CCDC85C: variants seen among roughly 807,000 people sequenced by gnomAD.
CCDC85C encodes coiled-coil domain-containing protein 85C.
In CCDC85C, 18 loss-of-function variants were observed where a neutral mutation model predicts 38.3. That is an observed-to-expected ratio of 0.47 (90% CI 0.33 to 0.70). CCDC85C has a LOEUF of 0.70. Ranked by LOEUF, CCDC85C falls within the 30% of genes least tolerant of loss-of-function variation. The pLI, the probability that CCDC85C is intolerant of heterozygous loss-of-function variation, is 0.03. For synonymous variants in CCDC85C, 264 were observed against 293.8 expected (o/e 0.90, Z 1.04); for missense variants, 566 against 621.2 (o/e 0.91, Z 0.94).
intron 1 of CCDC85C, among the ~76,000 whole-genome samples, chr14:99,589,485 T>C (rs2055063017): frequency 6.6e-6 from 1 of 152,226 alleles, no homozygotes; most frequent in Admixed American, 6.5e-5. Flanking sequence ...GATCTATTTT[T>C]ATTTTTTAAA....
chr14:99,603,015 G>A lies in CCDC85C; in HGVS notation c.793+152C>T, dbSNP rs1239617705. Among the ~76,000 whole-genome samples the A allele has an allele frequency of 2.0e-5, 3 of 152,190 alleles. No homozygotes were observed. The highest frequency in any genetic ancestry group is 7.2e-5 in the African/African-American group (3 of 41,456). ...CCAAAGCCCCACTTTGGGTGAGTGCGGGATCCCCTGGCCCAGGATCCATGA... is the reference window on the plus strand; with the variant it reads ...CCAAAGCCCCACTTTGGGTGAGTGCAGGATCCCCTGGCCCAGGATCCATGA... On this transcript the variant is annotated intron_variant, in intron 1 of 5. Transcript: ENST00000380243. The surrounding 1 kb of genome is among the most constrained non-coding windows in gnomAD (Gnocchi z 7.5).
intron 2 of CCDC85C, among the ~76,000 whole-genome samples, chr14:99,525,648 T>A (rs12896215): frequency 0.97 from 147,053 of 152,346 alleles, 71,171 homozygotes; most frequent in East Asian, 1. Context: ...TCAGGGAGGC[T>A]GCAACTAAAG....
In CCDC85C at chr14:99,548,820, A is replaced by G. The variant is rs988218745; in HGVS notation, c.794-12732T>C. On this transcript the variant is annotated intron_variant, in intron 1 of 5. Coordinates refer to ENST00000380243, the MANE Select transcript of CCDC85C (RefSeq NM_001144995.2). The surrounding 1 kb of genome is among the most constrained non-coding windows in gnomAD (Gnocchi z 4.9). The stretch of plus-strand genomic sequence containing the variant: ...ACTAAAAGCAAAAAAACCCAAAACA[A>G]AAACAAAACAAAAAGATGAACCAAA... 6.6e-6 allele frequency among the ~76,000 whole-genome samples: 1 copy of G among 152,150 alleles called. No homozygotes were observed. The highest frequency in any genetic ancestry group is 2.4e-5 in the African/African-American group (1 of 41,442).
chr14:99,523,424 C>T (rs1015502423), intron 2 of CCDC85C, among the ~76,000 whole-genome samples: 3 of 152,118 alleles, frequency 2.0e-5, no homozygotes, highest in African/African-American at 4.8e-5. Flanking sequence ...CCAGGCCCCC[C>T]ACTGGGGCTG....
In CCDC85C at chr14:99,504,724, A is replaced by C. The variant is rs553092921; in HGVS notation, c.*10522T>G. 1 of 152,320 alleles carries C rather than the reference A, an allele frequency of 6.6e-6. No individual in the cohort carries two copies. Among genetic ancestry groups the C allele is most frequent in the South Asian group, 2.1e-4 (1 of 4,820 alleles). 9.4% of individuals were successfully genotyped at this position (152,320 alleles called of 1,614,324 possible). A position where few individuals can be genotyped will look rare whatever the true frequency, so the allele number is the denominator to read the frequency against. ...CCCAGCCTCCCAAAGTGCTGCGATT[A>C]CAGGCATGAGCCACCGTGCCCAGCC... On this transcript the variant is annotated 3_prime_UTR_variant, in exon 6 of 6. Coordinates refer to ENST00000380243, the MANE Select transcript of CCDC85C (RefSeq NM_001144995.2).
At chr14:99,515,902 G>T (rs923433951) in intron 5 of CCDC85C, among the ~76,000 whole-genome samples, 4 of 152,046 alleles carry the variant, frequency 2.6e-5, no homozygotes, top group African/African-American at 9.7e-5. Context: ...CCAGTCCCGG[G>T]GGGGTGGGGG....
chr14:99,591,194 T>C (rs1169113244), intron 1 of CCDC85C, among the ~76,000 whole-genome samples: 1 of 152,248 alleles, frequency 6.6e-6, no homozygotes, highest in East Asian at 1.9e-4. Context: ...TTTCTGATCC[T>C]GAAGCCTTTG....
At chr14:99,586,183 C>T (rs943202026) in intron 1 of CCDC85C, among the ~76,000 whole-genome samples, 1 of 152,230 alleles carries the variant, frequency 6.6e-6, no homozygotes, top group Non-Finnish European at 1.5e-5. Flanking sequence ...AGTTCTCCCA[C>T]AGAGAACTCT....
rs1312722506 is a variant in CCDC85C at position 99,572,531 on chromosome 14, C to T, written c.793+30636G>A. 6.6e-6 allele frequency among the ~76,000 whole-genome samples: 1 copy of T among 152,134 alleles called. No individual in the cohort carries two copies. The highest frequency in any genetic ancestry group is 1.5e-5 in the Non-Finnish European group (1 of 68,024). On this transcript the variant is annotated intron_variant, in intron 1 of 5. Transcript: ENST00000380243. This position sits in a 1 kb window ranked among gnomAD's most constrained non-coding sequence, Gnocchi z 4.4. ...ATCCCAACCCCAATAGCTCCTCCTACCCTGCCCCCTTCGGTCACCAGAGTC... is the reference window on the plus strand; with the variant it reads ...ATCCCAACCCCAATAGCTCCTCCTATCCTGCCCCCTTCGGTCACCAGAGTC...
In CCDC85C at chr14:99,503,675, T is replaced by A. The variant is rs543575704; in HGVS notation, c.*11571A>T. On this transcript the variant is annotated 3_prime_UTR_variant, in exon 6 of 6. Transcript: ENST00000380243. ...TTCCTGTTCTGATGTTTTTTTAGTT[T>A]TATGTGTTTATATGCAAAACTTTAA... 2 of 1,531,294 alleles carry A rather than the reference T, an allele frequency of 1.3e-6. No homozygotes were observed. Among genetic ancestry groups the A allele is most frequent in the Non-Finnish European group, 8.8e-7 (1 of 1,130,680 alleles). The allele number at this position is 1,531,294 out of a possible 1,614,324, so 94.9% of individuals were successfully genotyped here.
In CCDC85C at chr14:99,522,394, G is replaced by A. The variant is rs184167828; in HGVS notation, c.868-154C>T. 1,936 of 563,262 alleles carry A rather than the reference G, an allele frequency of 3.4e-3. 41 individuals are homozygous for A. Among genetic ancestry groups the A allele is most frequent in the African/African-American group, 0.031 (1,623 of 52,998 alleles). The allele number at this position is 563,262 out of a possible 1,614,324, so 34.9% of individuals were successfully genotyped here. ...CCTCCACACCGCTTATCCATCCCCC[G>A]AGCCGGGATCAATCGATCTTCACTC... On this transcript the variant is annotated intron_variant, in intron 2 of 5. Coordinates refer to ENST00000380243, the MANE Select transcript of CCDC85C (RefSeq NM_001144995.2).
intron 1 of CCDC85C, among the ~76,000 whole-genome samples, chr14:99,590,898 G>T (rs2055078440): frequency 6.6e-6 from 1 of 152,224 alleles, no homozygotes; most frequent in Non-Finnish European, 1.5e-5. Context: ...CAGGGGCCAA[G>T]CCCAGAGTCA....
At chr14:99,560,239 CTCATGCCTGCG>C (rs1898091449) in intron 1 of CCDC85C, among the ~76,000 whole-genome samples, 2 of 152,184 alleles carry the variant, frequency 1.3e-5, no homozygotes. Context: ...TCATGCCTGC[CTCATGCCTGCG>C]GGCACCAACG....
chr14:99,583,873 T>C (rs2055000428), intron 1 of CCDC85C, among the ~76,000 whole-genome samples: 1 of 150,000 alleles, frequency 6.7e-6, no homozygotes, highest in South Asian at 2.1e-4. Flanking sequence ...CATAAAACAC[T>C]GCACACACAG....
intron 1 of CCDC85C, among the ~76,000 whole-genome samples, chr14:99,565,540 G>A (rs1303877567): frequency 6.6e-6 from 1 of 152,210 alleles, no homozygotes; most frequent in African/African-American, 2.4e-5. Context: ...AATTAGGTTG[G>A]TCACATGCTC....
Position 99,603,743 on chromosome 14 carries a change from C to T in CCDC85C, c.217G>A (p.Val73Met). 6.6e-7 allele frequency: 1 copy of T among 1,523,408 alleles called. No individual in the cohort carries two copies. Among genetic ancestry groups the T allele is most frequent in the Non-Finnish European group, 8.8e-7 (1 of 1,141,306 alleles). 94.4% of individuals were successfully genotyped at this position (1,523,408 alleles called of 1,614,324 possible). A position where few individuals can be genotyped will look rare whatever the true frequency, so the allele number is the denominator to read the frequency against. The change falls in exon 1 of 6, where the codon GTG (valine) becomes ATG (methionine). Residue 73 changes from valine (V) to methionine (M), a missense_variant. This residue lies in a region of CCDC85C where 269 missense variants were observed against 308.2 expected (regional missense o/e 0.87). Transcript: ENST00000380243. This position sits in a 1 kb window ranked among gnomAD's most constrained non-coding sequence, Gnocchi z 7.5. ...TTGTCGTCCTGCAGCCGCTGGTTCA[C>T]GTCCTTGAGGCCGCGGATCTCCAGC... ...HLLEIRGLKDVNQRLQDDNQE... is the reference protein window; with the variant it reads ...HLLEIRGLKDMNQRLQDDNQE...
chr14:99,501,628 G>A lies in CCDC85C; in HGVS notation c.*13618C>T. ...CTGCCGTGTCATGGTGTTGTGAGGT[G>A]CTGAAATTTTATCACCAGTCTGAAA... On this transcript the variant is annotated 3_prime_UTR_variant, in exon 6 of 6. Transcript: ENST00000380243. The A allele has an allele frequency of 1.9e-6, 1 of 521,082 alleles. No homozygotes were observed. The highest frequency in any genetic ancestry group is 3.4e-6 in the Non-Finnish European group (1 of 297,022). The allele number at this position is 521,082 out of a possible 1,614,324, so 32.3% of individuals were successfully genotyped here. A position where few individuals can be genotyped will look rare whatever the true frequency, so the allele number is the denominator to read the frequency against.
At chr14:99,567,741 C>T (rs1898244187) in intron 1 of CCDC85C, among the ~76,000 whole-genome samples, 1 of 152,216 alleles carries the variant, frequency 6.6e-6, no homozygotes, top group Non-Finnish European at 1.5e-5. Flanking sequence ...AGGAGAATCG[C>T]TTGAACTTGG....
chr14:99,560,041 C>G (rs74332252), intron 1 of CCDC85C, among the ~76,000 whole-genome samples: 5,312 of 152,108 alleles, frequency 0.035, 318 homozygotes, highest in African/African-American at 0.12. Flanking sequence ...CTAGGCCCCA[C>G]TCACCCCCTG....
Sources: gnomAD v4.1 joint callset for allele counts (sites outside exome capture counted in the v4.1 genomes callset) on GRCh38, gnomAD v4.1.1 for gene constraint, gnomAD v4.1.1 regional missense constraint, Gnocchi (gnomAD v3.1) non-coding constraint, MANE v1.5 for transcripts, NCBI Gene and HGNC (gene_info 2026-07-23, HGNC 2026-07-21) for gene names.